ZNF682: variants seen among roughly 807,000 people sequenced by gnomAD.
ZNF682 encodes the protein zinc finger protein 682.
ZNF682 carries 29 observed loss-of-function variants against 36.5 expected under a neutral mutation model. The observed-to-expected ratio is 0.80, with a 90% CI of 0.59 to 1.08. The LOEUF (loss-of-function observed/expected upper bound fraction) is 1.08. Ranked by LOEUF, ZNF682 falls within the 50% of genes least tolerant of loss-of-function variation. The probability of loss-of-function intolerance (pLI) is 0.00; values close to 1 mark genes in which losing one functional copy is unlikely to be tolerated. For synonymous variants in ZNF682, 180 were observed against 197.0 expected (o/e 0.91, Z 0.72); for missense variants, 561 against 579.7 (o/e 0.97, Z 0.33).
chr19:20,013,439 A>C (rs1367499012), intron 3 of ZNF682, among the ~76,000 whole-genome samples: 2 of 152,202 alleles, frequency 1.3e-5, no homozygotes, highest in African/African-American at 4.8e-5. Flanking sequence ...TGGAATATTA[A>C]ATATAAGAAC....
downstream of ZNF682, chr19:19,996,974 G>A (rs1025937205): frequency 1.7e-5 from 6 of 355,686 alleles, no homozygotes; most frequent in Non-Finnish European, 2.5e-5. Context: ...TCTCAGATAA[G>A]CACACACAGA....
chr19:20,039,309 C>T (rs750832996), intron 1 of ZNF682, 34 bp downstream of exon 1: 2 of 1,611,376 alleles, frequency 1.2e-6, no homozygotes, highest in African/African-American at 1.3e-5. Context: ...CCAGCCCTGC[C>T]CCCACCTCGG....
intron 3 of ZNF682, chr19:20,015,037 A>G: frequency 4.1e-6 from 1 of 242,188 alleles, no homozygotes; most frequent in Non-Finnish European, 6.6e-6. Context: ...ACACTGCACG[A>G]CAATGTCAAT....
At position 20,007,223 on chromosome 19, in the gene ZNF682, A is replaced by C. The variant is rs773355523; in HGVS notation, c.279T>G (p.Asp93Glu). Residue 93 changes from aspartate (D) to glutamate (E), a missense_variant, in exon 4 of 4, where the codon GAT (aspartate) becomes GAG (glutamate). Coordinates refer to ENST00000397165, the MANE Select transcript of ZNF682 (RefSeq NM_033196.3). The part of the protein sequence containing the change: ...EDLLPEQCMQ[D>E]SFQKVILRRY... ...TTCTCAGTATCACTTTTTGGAATGAATCTTGCATGCACTGTTCTGGCAAAA... is the reference window on the plus strand; with the variant it reads ...TTCTCAGTATCACTTTTTGGAATGACTCTTGCATGCACTGTTCTGGCAAAA... The C allele has an allele frequency of 1.9e-6, 3 of 1,613,672 alleles. No homozygotes were observed. Among genetic ancestry groups the C allele is most frequent in the Non-Finnish European group, 2.5e-6 (3 of 1,179,978 alleles).
At chr19:20,029,198 C>T (rs949351203) in intron 1 of ZNF682, among the ~76,000 whole-genome samples, 8 of 151,000 alleles carry the variant, frequency 5.3e-5, no homozygotes, top group East Asian at 2.0e-4. Context: ...AGGCTGGTCT[C>T]GAACTCCTGA....
intron 3 of ZNF682, among the ~76,000 whole-genome samples, chr19:20,016,267 A>G (rs2088333809): frequency 2.0e-5 from 3 of 152,224 alleles, no homozygotes; most frequent in Non-Finnish European, 2.9e-5. Context: ...TCCAAATGTC[A>G]TCCAGAGATC....
intron 1 of ZNF682, among the ~76,000 whole-genome samples, chr19:20,027,493 C>A (rs546544423): frequency 1.3e-5 from 2 of 152,292 alleles, no homozygotes; most frequent in African/African-American, 4.8e-5. Flanking sequence ...GGCGCTATGG[C>A]TCATGCCTGT....
Position 20,007,258 on chromosome 19 carries a change from T to C in ZNF682, c.244A>G (p.Thr82Ala). ...CACTGTTCTGGCAAAAGGTCTTCAGTGTAATGAGAAGACATAGCTGAAATA... is the reference window on the plus strand; with the variant it reads ...CACTGTTCTGGCAAAAGGTCTTCAGCGTAATGAGAAGACATAGCTGAAATA... The part of the protein sequence containing the change: ...AKPPAMSSHY[T>A]EDLLPEQCMQ... Residue 82 changes from threonine to alanine, a missense_variant, in exon 4 of 4, where the codon ACT becomes GCT. Physicochemically the swap from Thr to Ala is moderately conservative, Grantham distance 58 (BLOSUM62 0). Transcript: ENST00000397165. 2 of 1,606,916 alleles carry C rather than the reference T, an allele frequency of 1.2e-6. No individual in the cohort carries two copies. The highest frequency in any genetic ancestry group is 1.7e-6 in the Non-Finnish European group (2 of 1,177,460).
In ZNF682 at chr19:20,024,273, T is replaced by A; in HGVS notation, c.107A>T (p.Asn36Ile). The change falls in exon 2 of 4, where the codon AAC (asparagine) becomes ATC (isoleucine). Residue 36 changes from asparagine to isoleucine, a missense_variant. By Grantham distance (149) the Asn-to-Ile change is moderately radical. Transcript: ENST00000397165. ...QSLYRKVMLE[N>I]YRNLVSLGLT... ...ACCCAGAGAGACCAGGTTTCTGTAG[T>A]TCTCTAGCATCACTTTCCTATACAA... 1 of 1,613,994 alleles carries A rather than the reference T, an allele frequency of 6.2e-7. No homozygotes were observed. Among genetic ancestry groups the A allele is most frequent in the Non-Finnish European group, 8.5e-7 (1 of 1,179,940 alleles).
rs1599622038 is a variant in ZNF682 at position 20,039,212 on chromosome 19, T to C, written c.3+131A>G. 7.5e-6 allele frequency: 11 copies of C among 1,464,328 alleles called. No homozygotes were observed. The East Asian group carries it at 2.7e-4, about 36-fold the overall frequency. The allele number at this position is 1,464,328 out of a possible 1,614,324, so 90.7% of individuals were successfully genotyped here. On this transcript the variant is annotated intron_variant, in intron 1 of 3. Coordinates refer to ENST00000397165, the MANE Select transcript of ZNF682 (RefSeq NM_033196.3). Reference sequence around the variant, plus strand: ...CCGGAGGTGATCGACGGCCGAGCTGTGCCTGCCGGGGACTCCAGTCCGCAG... The same window carrying C: ...CCGGAGGTGATCGACGGCCGAGCTGCGCCTGCCGGGGACTCCAGTCCGCAG...
At chr19:20,024,089 GA>G (rs2088410768) in intron 2 of ZNF682, among the ~76,000 whole-genome samples, 160 bp downstream of exon 2, 1 of 152,176 alleles carries the variant, frequency 6.6e-6, no homozygotes, top group African/African-American at 2.4e-5. Flanking sequence ...AAAACATCTT[GA>G]AAATTTTCTT....
intron 3 of ZNF682, among the ~76,000 whole-genome samples, chr19:20,016,182 T>C (rs1418968807): frequency 6.6e-6 from 1 of 152,156 alleles, no homozygotes; most frequent in Admixed American, 6.5e-5. Flanking sequence ...GTGGTAGCAC[T>C]CGCCTGTACT....
intron 3 of ZNF682, among the ~76,000 whole-genome samples, chr19:19,997,454 G>T (rs948018925): frequency 6.6e-6 from 1 of 152,164 alleles, no homozygotes; most frequent in Non-Finnish European, 1.5e-5. Context: ...CTGCAAAAAT[G>T]CTTCTACTCC....
exon 4 of ZNF682, chr19:19,997,262 A>C: frequency 2.5e-6 from 1 of 398,576 alleles, no homozygotes; most frequent in Non-Finnish European, 4.4e-6. Context: ...CTCTGTAGGT[A>C]CCTGAAATGG....
downstream of ZNF682, among the ~76,000 whole-genome samples, chr19:19,995,630 A>C (rs1444069448): frequency 2.6e-5 from 4 of 152,078 alleles, no homozygotes; most frequent in African/African-American, 9.7e-5. Flanking sequence ...GTTTGTGTCC[A>C]GATTCAATTA....
intron 3 of ZNF682, among the ~76,000 whole-genome samples, chr19:20,018,346 G>C (rs1295382586): frequency 6.6e-6 from 1 of 151,702 alleles, no homozygotes; most frequent in East Asian, 1.9e-4. Context: ...CGCCCGCCTC[G>C]GCCTCCCAAA....
downstream of ZNF682, among the ~76,000 whole-genome samples, chr19:20,004,090 T>C (rs1186441278): frequency 6.6e-6 from 1 of 152,208 alleles, no homozygotes; most frequent in Non-Finnish European, 1.5e-5. Context: ...AGGTTGCATG[T>C]TCAAAGAAAA....
downstream of ZNF682, among the ~76,000 whole-genome samples, chr19:19,996,140 G>A (rs1039608301): frequency 4.6e-5 from 7 of 152,228 alleles, no homozygotes; most frequent in Non-Finnish European, 7.3e-5. Context: ...CATTAGCGAT[G>A]TAAGGAGGCT....
chr19:20,011,469 T>C lies in ZNF682; in HGVS notation c.227-4194A>G, dbSNP rs905459996. 9.8e-5 allele frequency among the ~76,000 whole-genome samples: 15 copies of C among 152,292 alleles called. No homozygotes were observed. The East Asian group carries it at 2.7e-3, about 27-fold the overall frequency. On this transcript the variant is annotated intron_variant, in intron 3 of 3. Transcript: ENST00000397165. ...TAAACTCAGCACTTGACCATAGACATCTACAGAATAATTCATCTAATGAAG... is the reference window on the plus strand; with the variant it reads ...TAAACTCAGCACTTGACCATAGACACCTACAGAATAATTCATCTAATGAAG...
Sources: gnomAD v4.1 joint callset for allele counts (sites outside exome capture counted in the v4.1 genomes callset) on GRCh38, gnomAD v4.1.1 for gene constraint, MANE v1.5 for transcripts, NCBI Gene and HGNC (gene_info 2026-07-23, HGNC 2026-07-21) for gene names.